RWDD1: variants seen among roughly 807,000 people sequenced by gnomAD.
RWDD1 encodes the protein RWD domain containing 1, also known as RWD domain-containing protein 1.
RWDD1 carries 17 observed loss-of-function variants against 31.6 expected under a neutral mutation model. That is an observed-to-expected ratio of 0.54 (90% CI 0.37 to 0.81). RWDD1 has a LOEUF of 0.81. Ranked by LOEUF, RWDD1 falls within the 30% of genes least tolerant of loss-of-function variation. The pLI is 0.00. For synonymous variants in RWDD1, 78 were observed against 94.2 expected, an observed-to-expected ratio of 0.83 and a Z score of 0.99; for missense variants, 204 against 274.5, an observed-to-expected ratio of 0.74 and a Z score of 1.82.
intron 1 of RWDD1, among the ~76,000 whole-genome samples, chr6:116,575,112 A>T (rs1425431142): frequency 6.6e-6 from 1 of 151,602 alleles, no homozygotes; most frequent in African/African-American, 2.4e-5. Context: ...TTTGAGAGAG[A>T]GTCTCCCTTT....
intron 4 of RWDD1, among the ~76,000 whole-genome samples, chr6:116,589,625 G>A (rs1208837013): frequency 6.6e-6 from 1 of 152,136 alleles, no homozygotes; most frequent in African/African-American, 2.4e-5. Context: ...CAGTGTATTA[G>A]TTCGTTTTCA....
rs1476410392 is a variant in RWDD1, at chr6:116,596,918, T to C, written c.*3817T>C. 1 of 152,150 alleles carries C rather than the reference T, an allele frequency of 6.6e-6. No individual in the cohort carries two copies. The highest frequency in any genetic ancestry group is 2.4e-5 in the African/African-American group (1 of 41,426). 9.4% of individuals were successfully genotyped at this position (152,150 alleles called of 1,614,324 possible). ...TTTTAATATTCTGGCCAGCACCTTA[T>C]CCATTTGTAGCCACGCCAACAAATT... On this transcript the variant is annotated 3_prime_UTR_variant, in exon 7 of 7. Coordinates refer to ENST00000466444, the MANE Select transcript of RWDD1 (RefSeq NM_015952.4).
intron 1 of RWDD1, among the ~76,000 whole-genome samples, chr6:116,579,500 A>G (rs752841789): frequency 7.9e-5 from 12 of 152,144 alleles, no homozygotes; most frequent in Admixed American, 6.5e-4. Context: ...TATTGGGGCA[A>G]TATTAATTGA....
At chr6:116,592,703 C>T (rs759121403) in intron 6 of RWDD1, among the ~76,000 whole-genome samples, 5 of 152,154 alleles carry the variant, frequency 3.3e-5, no homozygotes, top group Non-Finnish European at 7.4e-5. Context: ...TTATCCTTGT[C>T]TTCAACATAT....
intron 2 of RWDD1, among the ~76,000 whole-genome samples, chr6:116,580,877 A>G (rs1185615016): frequency 6.6e-6 from 1 of 152,086 alleles, no homozygotes; most frequent in Non-Finnish European, 1.5e-5. Context: ...TTAAATTTGG[A>G]GATGTTTGGG....
intron 5 of RWDD1, among the ~76,000 whole-genome samples, 198 bp downstream of exon 5, chr6:116,590,602 A>C (rs1389315538): frequency 6.6e-6 from 1 of 152,172 alleles, no homozygotes; most frequent in Non-Finnish European, 1.5e-5. Context: ...CTTTGATATA[A>C]GTATTATAAT....
At chr6:116,592,612 T>C (rs1775165018) in intron 6 of RWDD1, among the ~76,000 whole-genome samples, 1 of 152,244 alleles carries the variant, frequency 6.6e-6, no homozygotes, top group African/African-American at 2.4e-5. Flanking sequence ...GATGTGCTTA[T>C]CTACCACTAC....
At chr6:116,583,783 T>G (rs1774989447) in intron 2 of RWDD1, among the ~76,000 whole-genome samples, 1 of 152,214 alleles carries the variant, frequency 6.6e-6, no homozygotes, top group African/African-American at 2.4e-5. Flanking sequence ...CAGAAGATAC[T>G]GTTTCTTACT....
chr6:116,585,014 T>C (rs1307711123), intron 3 of RWDD1, among the ~76,000 whole-genome samples, 157 bp downstream of exon 3: 1 of 152,226 alleles, frequency 6.6e-6, no homozygotes, highest in Non-Finnish European at 1.5e-5. Context: ...TTTTGTTTCC[T>C]ACTGTCCCTT....
At chr6:116,576,677 C>T (rs950502522) in intron 1 of RWDD1, among the ~76,000 whole-genome samples, 2 of 152,094 alleles carry the variant, frequency 1.3e-5, no homozygotes, top group Non-Finnish European at 2.9e-5. Flanking sequence ...AAACAGACAT[C>T]AGATAAATTT....
In RWDD1 at chr6:116,571,523, C is replaced by G. The variant is rs996102032; in HGVS notation, c.-60C>G. 7 of 1,562,556 alleles carry G rather than the reference C, an allele frequency of 4.5e-6. No individual in the cohort carries two copies. The highest frequency in any genetic ancestry group is 3.5e-5 in the South Asian group (3 of 86,574). Reference sequence around the variant, plus strand: ...CCCGCTCTCCCGGCGCGGCAGCTGTCTGGGCTGCTGCGCGCCGCCTAGGTG... The same window carrying G: ...CCCGCTCTCCCGGCGCGGCAGCTGTGTGGGCTGCTGCGCGCCGCCTAGGTG... On this transcript the variant is annotated 5_prime_UTR_variant, in exon 1 of 7. Transcript: ENST00000466444.
chr6:116,575,351 G>A (rs1343353198), intron 1 of RWDD1, among the ~76,000 whole-genome samples: 5 of 152,064 alleles, frequency 3.3e-5, no homozygotes, highest in African/African-American at 1.2e-4. Flanking sequence ...CTCCCAAAGT[G>A]CTAGGATTAT....
rs1429217131 is a variant in RWDD1 at position 116,585,710 on chromosome 6, A to G, written c.270+853A>G. On this transcript the variant is annotated intron_variant, in intron 3 of 6. Transcript: ENST00000466444. Reference sequence around the variant, plus strand: ...TACAATGAGGAGTGAAAGAAGATATATCAGATAGGAATTTTTGCTGATGTT... The same window carrying G: ...TACAATGAGGAGTGAAAGAAGATATGTCAGATAGGAATTTTTGCTGATGTT... 2.0e-5 allele frequency among the ~76,000 whole-genome samples: 3 copies of G among 152,220 alleles called. 1 individual carries two copies. In the Middle Eastern group the frequency reaches 9.5e-3, roughly 482 times the overall value.
Position 116,571,566 on chromosome 6 carries a change from C to T in RWDD1, c.-17C>T. ...CCTAGGTGTCTGGGCGATCTATGGG[C>T]AAGAGCAAGGGCCACGATGACAGAT... On this transcript the variant is annotated 5_prime_UTR_variant, in exon 1 of 7. Coordinates refer to ENST00000466444, the MANE Select transcript of RWDD1 (RefSeq NM_015952.4). 1 of 1,611,808 alleles carries T rather than the reference C, an allele frequency of 6.2e-7. No individual in the cohort carries two copies. The highest frequency in any genetic ancestry group is 8.5e-7 in the Non-Finnish European group (1 of 1,179,154).
chr6:116,574,532 AC>A (rs1774800172), intron 1 of RWDD1, among the ~76,000 whole-genome samples: 1 of 152,066 alleles, frequency 6.6e-6, no homozygotes, highest in African/African-American at 2.4e-5. Context: ...CTCTTAATGT[AC>A]CTTTTAGCTG....
At chr6:116,591,878 C>T (rs1467935634) in intron 6 of RWDD1, among the ~76,000 whole-genome samples, 1 of 152,260 alleles carries the variant, frequency 6.6e-6, no homozygotes, top group Non-Finnish European at 1.5e-5. Context: ...TAGCTTACTG[C>T]TAAATGCTTT....
chr6:116,574,679 T>TTC (rs1774804608), intron 1 of RWDD1, among the ~76,000 whole-genome samples: 1 of 150,546 alleles, frequency 6.6e-6, no homozygotes, highest in African/African-American at 2.5e-5. Context: ...TCTCTCTCTC[T>TTC]CTTCCTTCCT....
In RWDD1 at chr6:116,576,550, A is replaced by G. The variant is rs1260418351; in HGVS notation, c.74-3745A>G. ...TCTGGTCCATTTTCCTCCCTGTTCTATCTGGCTCCCCAGGTCCGGTAGTTC... is the reference window on the plus strand; with the variant it reads ...TCTGGTCCATTTTCCTCCCTGTTCTGTCTGGCTCCCCAGGTCCGGTAGTTC... On this transcript the variant is annotated intron_variant, in intron 1 of 6. Transcript: ENST00000466444. Among the ~76,000 whole-genome samples, 10 of 152,264 alleles carry G rather than the reference A, an allele frequency of 6.6e-5. No homozygotes were observed. In the South Asian group the frequency reaches 1.7e-3, roughly 25 times the overall value.
intron 6 of RWDD1, 148 bp downstream of exon 6, chr6:116,591,098 TAA>T (rs368922935): frequency 7.2e-3 from 5,678 of 792,370 alleles, no homozygotes; most frequent in Middle Eastern, 9.9e-3. Flanking sequence ...CTGACTCTAT[TAA>T]AAAAAAAAAA....
Sources: gnomAD v4.1 joint callset for allele counts (sites outside exome capture counted in the v4.1 genomes callset) on GRCh38, gnomAD v4.1.1 for gene constraint, MANE v1.5 for transcripts, NCBI Gene and HGNC (gene_info 2026-07-23, HGNC 2026-07-21) for gene names.